SKI: variants seen among roughly 807,000 people sequenced by gnomAD.
SKI encodes the protein ski oncogene.
Under a neutral mutation model 59.3 loss-of-function variants are expected in SKI, and 23 were observed. That is an observed-to-expected ratio of 0.39 (90% CI 0.28 to 0.55). The LOEUF is 0.55. SKI is among the 20% of genes least tolerant of loss of function. The pLI is 0.67. For synonymous variants in SKI, 673 were observed against 488.6 expected (o/e 1.38, Z -4.98); for missense variants, 1,017 against 1,038.9 (o/e 0.98, Z 0.29).
intron 1 of SKI, among the ~76,000 whole-genome samples, chr1:2,257,631 C>T (rs996318147): frequency 5.9e-5 from 9 of 152,232 alleles, no homozygotes; most frequent in Admixed American, 5.2e-4. Flanking sequence ...GTTGCTCTTC[C>T]GTCTTAAAAC....
At position 2,308,709 on chromosome 1, in the gene SKI, C is replaced by T. The variant is rs1450851283; in HGVS notation, c.*1944C>T. 1.3e-5 allele frequency: 2 copies of T among 151,984 alleles called. No homozygotes were observed. Among genetic ancestry groups the T allele is most frequent in the Admixed American group, 1.3e-4 (2 of 15,258 alleles). 9.4% of individuals were successfully genotyped at this position (151,984 alleles called of 1,614,324 possible). On this transcript the variant is annotated 3_prime_UTR_variant, in exon 7 of 7. Coordinates refer to ENST00000378536, the MANE Select transcript of SKI (RefSeq NM_003036.4). Reference sequence around the variant, plus strand: ...GTGTGGCTGTCCTGTGTCGCCAGGTCGAAGATCACAGTGAGGTAGAGGCCC... The same window carrying T: ...GTGTGGCTGTCCTGTGTCGCCAGGTTGAAGATCACAGTGAGGTAGAGGCCC...
chr1:2,269,556 C>T lies in SKI; in HGVS notation c.970-33422C>T, dbSNP rs1264260090. On this transcript the variant is annotated intron_variant, in intron 1 of 6. Coordinates refer to ENST00000378536, the MANE Select transcript of SKI (RefSeq NM_003036.4). The surrounding 1 kb of genome is among the most constrained non-coding windows in gnomAD (Gnocchi z 4.7). ...GCCCGCACTAGTGGCGCCTGGTTAT[C>T]AGGTGTGGTGAGGAGCTTTGCTGCC... is the stretch of plus-strand genomic sequence containing the variant. 6.6e-6 allele frequency among the ~76,000 whole-genome samples: 1 copy of T among 152,250 alleles called. No homozygotes were observed. Among genetic ancestry groups the T allele is most frequent in the Non-Finnish European group, 1.5e-5 (1 of 68,038 alleles).
At chr1:2,240,532 C>T (rs1379272074) in intron 1 of SKI, 5 of 985,366 alleles carry the variant, frequency 5.1e-6, no homozygotes, top group African/African-American at 3.5e-5. Flanking sequence ...GGCAAGGCTG[C>T]GGGACTGGGA....
chr1:2,265,426 G>A (rs542636048), intron 1 of SKI, among the ~76,000 whole-genome samples: 84 of 152,006 alleles, frequency 5.5e-4, no homozygotes, highest in Non-Finnish European at 8.1e-4. Flanking sequence ...CCCATATAGC[G>A]GATGTTTCAT....
intron 1 of SKI, among the ~76,000 whole-genome samples, chr1:2,283,257 G>A (rs368597717): frequency 7.2e-5 from 11 of 152,184 alleles, no homozygotes; most frequent in East Asian, 1.9e-4. Context: ...CCACTTCTGC[G>A]CCAGGCCTCA....
Position 2,304,591 on chromosome 1 carries a change from CG to C in SKI, c.1767+10del, listed in dbSNP as rs1557852702. On this transcript the variant is annotated splice_region_variant and intron_variant, in intron 5 of 6. Transcript: ENST00000378536. ...CCAAGCGCAGCCTCCACCAGGTGAG[CG>C]GGGCGAGTGGTGCTGGGAGGTCCAG... 1 of 1,546,062 alleles carries C rather than the reference CG, an allele frequency of 6.5e-7. No homozygotes were observed. Among genetic ancestry groups the C allele is most frequent in the South Asian group, 1.2e-5 (1 of 83,488 alleles).
chr1:2,231,597 C>T (rs1435346734), intron 1 of SKI, among the ~76,000 whole-genome samples: 4 of 152,334 alleles, frequency 2.6e-5, no homozygotes, highest in African/African-American at 9.6e-5. Context: ...AGCCGCCTTT[C>T]CCTTTTGAAG....
At position 2,229,388 on chromosome 1, in the gene SKI, G is replaced by C. The variant is rs761138564; in HGVS notation, c.622G>C (p.Ala208Pro). 1.2e-5 allele frequency: 19 copies of C among 1,605,232 alleles called. No homozygotes were observed. The highest frequency in any genetic ancestry group is 1.5e-5 in the Non-Finnish European group (18 of 1,176,124). The part of the protein sequence containing the change: ...PCKKELAASL[A>P]LGLELSERSV... ...CAAGAAGGAGCTGGCCGCCAGCCTG[G>C]CGCTGGGCCTGGAGCTCAGCGAGCG... Residue 208 changes from alanine (A) to proline (P), a missense_variant, in exon 1 of 7, where the codon GCG (alanine) becomes CCG (proline). Transcript: ENST00000378536. This position sits in a 1 kb window ranked among gnomAD's most constrained non-coding sequence, Gnocchi z 6.3.
At position 2,306,639 on chromosome 1, in the gene SKI, C is replaced by T. The variant is rs1021794039; in HGVS notation, c.2061C>T (p.Asp687=). 46 of 1,544,308 alleles carry T rather than the reference C, an allele frequency of 3.0e-5. No individual in the cohort carries two copies. Among genetic ancestry groups the T allele is most frequent in the Non-Finnish European group, 3.9e-5 (45 of 1,145,224 alleles). The stretch of plus-strand genomic sequence containing the variant: ...CGGACCGGGAGCAGCTGCGGGCCGA[C>T]CTGCTGCGGGAGCGCGAGGCCCGGG... ...AEADREQLRA[D]LLREREAREH... The change falls in exon 7 of 7, where the codon GAC becomes GAT. Residue 687 remains aspartate, a synonymous_variant. Transcript: ENST00000378536.
At chr1:2,265,612 C>G (rs1639486701) in intron 1 of SKI, among the ~76,000 whole-genome samples, 1 of 152,112 alleles carries the variant, frequency 6.6e-6, no homozygotes, top group Non-Finnish European at 1.5e-5. Flanking sequence ...TCCACATTTT[C>G]TTGCTTTCTG....
intron 1 of SKI, among the ~76,000 whole-genome samples, chr1:2,285,108 G>A (rs566444082): frequency 2.6e-5 from 4 of 152,200 alleles, no homozygotes; most frequent in South Asian, 2.1e-4. Flanking sequence ...GGTGTCATGC[G>A]GCAGTTGGTG....
At chr1:2,299,472 C>T (rs956997184) in intron 1 of SKI, among the ~76,000 whole-genome samples, 1 of 152,196 alleles carries the variant, frequency 6.6e-6, no homozygotes, top group Non-Finnish European at 1.5e-5. Context: ...CAGCTGTAAC[C>T]GCTGCTGCAC....
chr1:2,258,196 T>A (rs1639312535), intron 1 of SKI, among the ~76,000 whole-genome samples: 1 of 152,222 alleles, frequency 6.6e-6, no homozygotes, highest in Non-Finnish European at 1.5e-5. Flanking sequence ...GAATGTGGTG[T>A]TTTATCTAGT....
In SKI at chr1:2,229,940, C is replaced by T. The variant is rs991507754; in HGVS notation, c.969+205C>T. On this transcript the variant is annotated intron_variant, in intron 1 of 6. Transcript: ENST00000378536. This position sits in a 1 kb window ranked among gnomAD's most constrained non-coding sequence, Gnocchi z 6.3. ...GTAGGAAGGCCCTCCTGCCCGTTCC[C>T]CAGGACGAGCCTGGAGTGCGGGCTG... Among the ~76,000 whole-genome samples, 1 of 152,238 alleles carries T rather than the reference C, an allele frequency of 6.6e-6. No individual in the cohort carries two copies. The highest frequency in any genetic ancestry group is 1.5e-5 in the Non-Finnish European group (1 of 68,030).
Position 2,288,997 on chromosome 1 carries a change from T to C in SKI, c.970-13981T>C, listed in dbSNP as rs1224194143. Among the ~76,000 whole-genome samples the C allele has an allele frequency of 3.3e-5, 5 of 152,206 alleles. No homozygotes were observed. In the East Asian group the frequency reaches 9.6e-4, roughly 29 times the overall value. On this transcript the variant is annotated intron_variant, in intron 1 of 6. Coordinates refer to ENST00000378536, the MANE Select transcript of SKI (RefSeq NM_003036.4). ...CTGCAGGTCCCCGGTGCCGCCTGGT[T>C]TTCCCGAATCGCATGCACCTGTCAC...
intron 1 of SKI, among the ~76,000 whole-genome samples, chr1:2,247,821 T>C (rs1639031350): frequency 6.6e-6 from 1 of 152,230 alleles, no homozygotes; most frequent in African/African-American, 2.4e-5. Flanking sequence ...AGTCTGGCTC[T>C]CGGGAAGGGG....
chr1:2,287,731 C>T lies in SKI; in HGVS notation c.970-15247C>T, dbSNP rs565662274. Among the ~76,000 whole-genome samples, 3 of 152,286 alleles carry T rather than the reference C, an allele frequency of 2.0e-5. No individual in the cohort carries two copies. In the South Asian group the frequency reaches 6.2e-4, roughly 32 times the overall value. On this transcript the variant is annotated intron_variant, in intron 1 of 6. Coordinates refer to ENST00000378536, the MANE Select transcript of SKI (RefSeq NM_003036.4). ...TGTGGGGCGTGGGGGTGGTCTCCCC[C>T]TAGAAGGACAGGGCTTGTGGCAGCC...
Position 2,254,003 on chromosome 1 carries a change from G to A in SKI, c.969+24268G>A, listed in dbSNP as rs551006700. 1.1e-4 allele frequency among the ~76,000 whole-genome samples: 16 copies of A among 152,334 alleles called. No individual in the cohort carries two copies. In the South Asian group the frequency reaches 1.2e-3, roughly 12 times the overall value. ...CCATCCTGGCTGTGTGGACCACGGC[G>A]GCAAGGGCCACGTGCCTGGTCGTCA... is the stretch of plus-strand genomic sequence containing the variant. On this transcript the variant is annotated intron_variant, in intron 1 of 6. Transcript: ENST00000378536.
At chr1:2,301,408 C>G (rs1569854353) in intron 1 of SKI, among the ~76,000 whole-genome samples, 3 of 151,648 alleles carry the variant, frequency 2.0e-5, no homozygotes, top group Non-Finnish European at 4.4e-5. Context: ...CGTCCCCGGC[C>G]CTGTGCGCCC....
Sources: gnomAD v4.1 joint callset for allele counts (sites outside exome capture counted in the v4.1 genomes callset) on GRCh38, gnomAD v4.1.1 for gene constraint, Gnocchi (gnomAD v3.1) non-coding constraint, MANE v1.5 for transcripts, NCBI Gene and HGNC (gene_info 2026-07-23, HGNC 2026-07-21) for gene names.